TTC7B: variants seen among roughly 807,000 people sequenced by gnomAD.
The protein encoded by TTC7B is tetratricopeptide repeat protein 7B.
In TTC7B, 28 loss-of-function variants were observed where a neutral mutation model predicts 106.8. That is an observed-to-expected ratio of 0.26 (90% CI 0.19 to 0.36). The LOEUF (loss-of-function observed/expected upper bound fraction) is 0.36. TTC7B is among the 10% of genes least tolerant of loss of function. TTC7B has a pLI of 1.00. For missense variants in TTC7B, 862 were observed against 1,076.4 expected (o/e 0.80, Z 2.79); for synonymous variants, 405 against 430.6 (o/e 0.94, Z 0.74).
intron 19 of TTC7B, among the ~76,000 whole-genome samples, chr14:90,544,987 T>C (rs1456497831): frequency 1.3e-5 from 2 of 152,196 alleles, no homozygotes; most frequent in African/African-American, 2.4e-5. Flanking sequence ...GTTTTCTTCC[T>C]CCAAGTGGAG....
intron 15 of TTC7B, among the ~76,000 whole-genome samples, chr14:90,643,764 G>A (rs1885298946): frequency 6.6e-6 from 1 of 152,046 alleles, no homozygotes. Flanking sequence ...TATATTTTCA[G>A]TAGAAACAGG....
At chr14:90,626,511 C>G (rs1884448415) in intron 15 of TTC7B, among the ~76,000 whole-genome samples, 1 of 152,166 alleles carries the variant, frequency 6.6e-6, no homozygotes, top group African/African-American at 2.4e-5. Flanking sequence ...TACTGTCACC[C>G]CCATAAAGGG....
At chr14:90,659,718 A>C (rs932916301) in intron 9 of TTC7B, among the ~76,000 whole-genome samples, 2 of 152,200 alleles carry the variant, frequency 1.3e-5, no homozygotes, top group Non-Finnish European at 2.9e-5. Flanking sequence ...CGGGAGGAGA[A>C]CACAGGCCAT....
chr14:90,671,843 GGCC>G (rs1886646076), intron 9 of TTC7B, among the ~76,000 whole-genome samples: 2 of 152,218 alleles, frequency 1.3e-5, no homozygotes, highest in South Asian at 4.1e-4. Flanking sequence ...ACACAGAGGC[GGCC>G]GGTCTTGAGA....
At chr14:90,644,002 T>G in intron 15 of TTC7B, 46 bp downstream of exon 15, 1 of 1,608,798 alleles carries the variant, frequency 6.2e-7, no homozygotes. Context: ...AGAAGTAAAT[T>G]TAATAACTTC....
intron 5 of TTC7B, among the ~76,000 whole-genome samples, chr14:90,696,061 T>C (rs1406898991): frequency 7.9e-5 from 12 of 152,012 alleles, no homozygotes; most frequent in Non-Finnish European, 1.2e-4. Flanking sequence ...TTTGAGAACA[T>C]AAACTTATCA....
Position 90,615,979 on chromosome 14 carries a change from GGAA to G in TTC7B, c.1868+1947_1868+1949del, listed in dbSNP as rs565437041. Among the ~76,000 whole-genome samples, 175 of 152,266 alleles carry G rather than the reference GGAA, an allele frequency of 1.1e-3. 2 individuals are homozygous for G. The South Asian group carries it at 0.036, about 31-fold the overall frequency. ...CCTGAAGGAACCTTCAGGAAATGGA[GGAA>G]GTATGGACACAGCCCAGGCATTTGG... On this transcript the variant is annotated intron_variant, in intron 16 of 19. Transcript: ENST00000328459.
At chr14:90,724,863 T>A (rs563164602) in intron 5 of TTC7B, among the ~76,000 whole-genome samples, 7 of 152,376 alleles carry the variant, frequency 4.6e-5, no homozygotes, top group Admixed American at 2.0e-4. Context: ...CTCGAATGCA[T>A]GAATAAATGG....
At chr14:90,751,060 T>C (rs905435296) in intron 3 of TTC7B, among the ~76,000 whole-genome samples, 1 of 152,254 alleles carries the variant, frequency 6.6e-6, no homozygotes, top group African/African-American at 2.4e-5. Flanking sequence ...TCATCAATAA[T>C]GTTTTTACTT....
At chr14:90,765,864 T>G (rs1353653102) in intron 3 of TTC7B, among the ~76,000 whole-genome samples, 2 of 152,172 alleles carry the variant, frequency 1.3e-5, no homozygotes, top group African/African-American at 4.8e-5. Context: ...TGCACCTCCC[T>G]TCATTATTGC....
intron 2 of TTC7B, among the ~76,000 whole-genome samples, chr14:90,785,647 G>A (rs556185554): frequency 6.6e-6 from 1 of 152,136 alleles, no homozygotes; most frequent in South Asian, 2.1e-4. Context: ...GACAGATAGG[G>A]GGCAGCACCT....
intron 18 of TTC7B, among the ~76,000 whole-genome samples, chr14:90,587,817 TG>T (rs1244615827): frequency 6.6e-6 from 1 of 152,200 alleles, no homozygotes; most frequent in African/African-American, 2.4e-5. Context: ...GCTAGGGTTC[TG>T]GGGCCACACT....
At chr14:90,795,987 G>GGAGCA (rs2140050790) in intron 1 of TTC7B, among the ~76,000 whole-genome samples, 1 of 152,288 alleles carries the variant, frequency 6.6e-6, no homozygotes, top group African/African-American at 2.4e-5. Context: ...GCAGGAGAGG[G>GGAGCA]GAGCAGCATC....
In TTC7B at chr14:90,596,215, A is replaced by G. The variant is rs145531809; in HGVS notation, c.1967-2589T>C. Among the ~76,000 whole-genome samples, 112 of 152,208 alleles carry G rather than the reference A, an allele frequency of 7.4e-4. 1 individual carries two copies. Among genetic ancestry groups the G allele is most frequent in the East Asian group, 2.5e-3 (13 of 5,176 alleles). ...TTATTGCTCTGGAAACATTCCACAC[A>G]TTTTCTACCAGGTTCTGTGAATCTT... is the stretch of plus-strand genomic sequence containing the variant. On this transcript the variant is annotated intron_variant, in intron 17 of 19. Transcript: ENST00000328459.
chr14:90,722,043 G>GA, intron 5 of TTC7B, among the ~76,000 whole-genome samples: 1 of 152,330 alleles, frequency 6.6e-6, no homozygotes, highest in Admixed American at 6.5e-5. Context: ...CCTTCAAAGT[G>GA]AAATGACTCA....
intron 3 of TTC7B, among the ~76,000 whole-genome samples, chr14:90,766,213 T>G (rs1890674522): frequency 6.6e-6 from 1 of 150,990 alleles, no homozygotes; most frequent in Admixed American, 6.6e-5. Flanking sequence ...TACCACATTA[T>G]TAGATTCAAA....
intron 3 of TTC7B, among the ~76,000 whole-genome samples, chr14:90,765,597 A>G (rs1446405196): frequency 6.6e-6 from 1 of 152,236 alleles, no homozygotes; most frequent in Non-Finnish European, 1.5e-5. Context: ...TCTGTTCAAT[A>G]TAACTATTTT....
At chr14:90,641,816 T>G (rs1201156519) in intron 15 of TTC7B, among the ~76,000 whole-genome samples, 2 of 152,200 alleles carry the variant, frequency 1.3e-5, no homozygotes, top group Non-Finnish European at 2.9e-5. Context: ...TGTTTACTGC[T>G]TACCATGTGG....
rs1417747380 is a variant in TTC7B, at chr14:90,695,057, TATTTTATTATAAAATATA to T, written c.777+425_777+442del. 7.2e-4 allele frequency among the ~76,000 whole-genome samples: 83 copies of T among 116,050 alleles called. 1 individual carries two copies. Among genetic ancestry groups the T allele is most frequent in the African/African-American group, 2.5e-3 (78 of 31,428 alleles). The allele number at this position is 116,050 out of a possible 152,430, so 76.1% of individuals were successfully genotyped here. On this transcript the variant is annotated intron_variant, in intron 6 of 19. Coordinates refer to ENST00000328459, the MANE Select transcript of TTC7B (RefSeq NM_001010854.2). The stretch of plus-strand genomic sequence containing the variant: ...TTTTATTTTATTATAAAATATATTT[TATTTTATTATAAAATATA>T]TTTTATTTTATTATAAAATATATTT...
Sources: gnomAD v4.1 joint callset for allele counts (sites outside exome capture counted in the v4.1 genomes callset) on GRCh38, gnomAD v4.1.1 for gene constraint, MANE v1.5 for transcripts, NCBI Gene and HGNC (gene_info 2026-07-23, HGNC 2026-07-21) for gene names.